Variants in PTPRN2 observed in about 807,000 individuals in gnomAD.
The protein encoded by PTPRN2 is protein tyrosine phosphatase receptor type N2.
PTPRN2 carries 74 observed loss-of-function variants against 118.8 expected under a neutral mutation model. The observed-to-expected ratio is 0.62, with a 90% CI of 0.52 to 0.76. The LOEUF (loss-of-function observed/expected upper bound fraction) is 0.76. PTPRN2 is among the 30% of genes least tolerant of loss of function. The pLI, the probability that PTPRN2 is intolerant of heterozygous loss-of-function variation, is 0.00. For synonymous variants in PTPRN2, 641 were observed against 608.0 expected (o/e 1.05, Z -0.80); for missense variants, 1,481 against 1,394.4 (o/e 1.06, Z -0.99).
At chr7:158,175,663 G>A (rs759674261) in intron 5 of PTPRN2, among the ~76,000 whole-genome samples, 26 of 152,086 alleles carry the variant, frequency 1.7e-4, no homozygotes, top group Non-Finnish European at 2.8e-4. Context: ...GAGCGTATAC[G>A]GTGCTATCTC....
At chr7:158,521,856 G>A (rs36137877) in intron 1 of PTPRN2, among the ~76,000 whole-genome samples, 559 of 23,014 alleles carry the variant, frequency 0.024, 6 homozygotes, top group Non-Finnish European at 0.034. Context: ...GTAGTGGCTC[G>A]GGAGGGAGGT....
At chr7:158,467,627 G>T (rs1819488526) in intron 2 of PTPRN2, among the ~76,000 whole-genome samples, 2 of 152,100 alleles carry the variant, frequency 1.3e-5, no homozygotes, top group Admixed American at 1.3e-4. Flanking sequence ...TTTGAGAACG[G>T]TGTAAGGTAA....
At chr7:157,892,717 C>A (rs1392893120) in intron 12 of PTPRN2, among the ~76,000 whole-genome samples, 1 of 152,078 alleles carries the variant, frequency 6.6e-6, no homozygotes, top group Non-Finnish European at 1.5e-5. Context: ...AAAAAAAAAT[C>A]ATTAGCTGTT....
chr7:157,867,537 G>A (rs1304795789), intron 12 of PTPRN2, among the ~76,000 whole-genome samples: 7 of 125,340 alleles, frequency 5.6e-5, no homozygotes, highest in African/African-American at 1.9e-4. Context: ...CGCCCCTGAC[G>A]CTCTGGATAC....
In PTPRN2 at chr7:158,266,072, C is replaced by A. The variant is rs79955697; in HGVS notation, c.277+50747G>T. ...GTGAGGCTGGGGACGGCGTCTGCTG[C>A]GGGGTATTGTCTGGCAGTGAGGCTG... On this transcript the variant is annotated intron_variant, in intron 3 of 22. Coordinates refer to ENST00000389418, the MANE Select transcript of PTPRN2 (RefSeq NM_002847.5). Among the ~76,000 whole-genome samples the A allele has an allele frequency of 5.4e-5, 7 of 130,198 alleles. No homozygotes were observed. In the East Asian group the frequency reaches 9.2e-4, roughly 17 times the overall value. The allele number at this position is 130,198 out of a possible 152,430, so 85.4% of individuals were successfully genotyped here. A position where few individuals can be genotyped will look rare whatever the true frequency, so the allele number is the denominator to read the frequency against.
intron 2 of PTPRN2, among the ~76,000 whole-genome samples, chr7:158,445,259 C>T (rs1371225935): frequency 6.6e-6 from 1 of 152,204 alleles, no homozygotes; most frequent in Non-Finnish European, 1.5e-5. Flanking sequence ...GTGGCTGACT[C>T]GGCCCTGAGC....
intron 11 of PTPRN2, among the ~76,000 whole-genome samples, chr7:157,932,413 T>C (rs1254259273): frequency 1.3e-5 from 2 of 152,256 alleles, no homozygotes; most frequent in Non-Finnish European, 2.9e-5. Flanking sequence ...TTGGTCTTTG[T>C]GATAGTGACA....
chr7:158,084,222 G>A (rs1813072587), intron 10 of PTPRN2, among the ~76,000 whole-genome samples: 1 of 152,196 alleles, frequency 6.6e-6, no homozygotes, highest in Non-Finnish European at 1.5e-5. Context: ...ATCAGCAGCA[G>A]AGATCCCTCC....
intron 3 of PTPRN2, among the ~76,000 whole-genome samples, chr7:158,241,396 C>T (rs1311879099): frequency 6.6e-6 from 1 of 152,204 alleles, no homozygotes; most frequent in Admixed American, 6.5e-5. Flanking sequence ...TGCCTGTAAT[C>T]CCAGCTACCC....
chr7:158,166,930 C>A lies in PTPRN2; in HGVS notation c.910+1G>T. The A allele has an allele frequency of 7.0e-7, 1 of 1,425,596 alleles. No homozygotes were observed. The highest frequency in any genetic ancestry group is 9.2e-7 in the Non-Finnish European group (1 of 1,084,092). The allele number at this position is 1,425,596 out of a possible 1,614,324, so 88.3% of individuals were successfully genotyped here. ...AGAAACACCAAGCGGGGCTGGCTCACCATCGCCTGTGCTGGAGGGGTCTTC... is the reference window on the plus strand; with the variant it reads ...AGAAACACCAAGCGGGGCTGGCTCAACATCGCCTGTGCTGGAGGGGTCTTC... On this transcript the variant is annotated splice_donor_variant, in intron 6 of 22. Transcript: ENST00000389418. LOFTEE classifies it high-confidence loss of function.
At chr7:158,586,546 A>G (rs1023323358) in intron 1 of PTPRN2, among the ~76,000 whole-genome samples, 2 of 152,226 alleles carry the variant, frequency 1.3e-5, no homozygotes, top group South Asian at 4.1e-4. Flanking sequence ...CCGCCTGGAA[A>G]CATTGGCTTT....
intron 11 of PTPRN2, among the ~76,000 whole-genome samples, chr7:158,055,340 G>A (rs777505655): frequency 1.8e-4 from 28 of 152,294 alleles, no homozygotes; most frequent in East Asian, 7.8e-4. Context: ...GAAGATGCCC[G>A]TTGCCAAGCG....
At chr7:157,984,603 G>A (rs973137653) in intron 11 of PTPRN2, among the ~76,000 whole-genome samples, 13 of 152,034 alleles carry the variant, frequency 8.6e-5, no homozygotes, top group Non-Finnish European at 1.5e-4. Flanking sequence ...GGGGGCTGGC[G>A]CTGTTCCCGC....
Position 158,544,284 on chromosome 7 carries a change from C to A in PTPRN2, c.112+43274G>T, listed in dbSNP as rs1430001131. On this transcript the variant is annotated intron_variant, in intron 1 of 22. Coordinates refer to ENST00000389418, the MANE Select transcript of PTPRN2 (RefSeq NM_002847.5). This position sits in a 1 kb window ranked among gnomAD's most constrained non-coding sequence, Gnocchi z 4.2. ...AGCGTATCCAGCCCACAGGCCACGG[C>A]CCACGAGATGGCTCTGAATGTGGCC... Among the ~76,000 whole-genome samples, 1 of 152,044 alleles carries A rather than the reference C, an allele frequency of 6.6e-6. No homozygotes were observed. The highest frequency in any genetic ancestry group is 2.4e-5 in the African/African-American group (1 of 41,386).
chr7:157,667,949 C>A (rs573103016), intron 13 of PTPRN2, among the ~76,000 whole-genome samples: 1 of 152,372 alleles, frequency 6.6e-6, no homozygotes, highest in African/African-American at 2.4e-5. Context: ...TGGGCAGAGT[C>A]ACGTGGGACC....
In PTPRN2 at chr7:157,793,542, C is replaced by T. The variant is rs184513887; in HGVS notation, c.1788+105131G>A. On this transcript the variant is annotated intron_variant, in intron 12 of 22. Transcript: ENST00000389418. ...GGGGCAAGGGCGGGGCGTGGTGCCT[C>T]TTCCGGGGTGGGATGGGTGGATGCT... Among the ~76,000 whole-genome samples, 176 of 151,994 alleles carry T rather than the reference C, an allele frequency of 1.2e-3. 1 individual carries two copies. Among genetic ancestry groups the T allele is most frequent in the African/African-American group, 4.0e-3 (166 of 41,432 alleles).
chr7:158,546,340 G>A lies in PTPRN2; in HGVS notation c.112+41218C>T, dbSNP rs996806335. On this transcript the variant is annotated intron_variant, in intron 1 of 22. Transcript: ENST00000389418. This position sits in a 1 kb window ranked among gnomAD's most constrained non-coding sequence, Gnocchi z 5.0. ...TGCCCGGAGACGGGGTCCGCGAGGT[G>A]CCAGCTTTGCACTGTCAAAGGGAAT... Among the ~76,000 whole-genome samples, 10 of 152,236 alleles carry A rather than the reference G, an allele frequency of 6.6e-5. No individual in the cohort carries two copies. Among genetic ancestry groups the A allele is most frequent in the African/African-American group, 2.2e-4 (9 of 41,464 alleles).
intron 22 of PTPRN2, 45 bp from the exon 23 acceptor site, chr7:157,540,830 C>G: frequency 6.8e-7 from 1 of 1,471,726 alleles, no homozygotes; most frequent in Non-Finnish European, 9.3e-7. Context: ...AGCGGCGTCC[C>G]CCCGACTCCT....
chr7:157,804,510 C>G (rs555130303), intron 12 of PTPRN2, among the ~76,000 whole-genome samples: 4 of 148,720 alleles, frequency 2.7e-5, no homozygotes, highest in African/African-American at 1.0e-4. Flanking sequence ...CCAAAAAGCT[C>G]TAGATGATTC....
Sources: allele counts gnomAD v4.1 joint callset (sites outside exome capture counted in the v4.1 genomes callset), GRCh38; gene constraint gnomAD v4.1.1; non-coding constraint Gnocchi (gnomAD v3.1); transcripts MANE v1.5; gene names NCBI Gene and HGNC (gene_info 2026-07-23, HGNC 2026-07-21).